The following KLF13 variants were observed in gnomAD, a reference collection of about 807,000 sequenced individuals.
The protein encoded by KLF13 is KLF transcription factor 13.
KLF13 carries 8 observed loss-of-function variants against 16.7 expected under a neutral mutation model. The observed-to-expected ratio is 0.48, with a 90% confidence interval of 0.28 to 0.87. The LOEUF is 0.87. Among genes scored for constraint, KLF13 ranks in the 40% least tolerant of loss-of-function variants. The probability of loss-of-function intolerance (pLI) is 0.10; values close to 1 mark genes in which losing one functional copy is unlikely to be tolerated. For missense variants in KLF13, 447 were observed against 452.2 expected (o/e 0.99, Z 0.10); for synonymous variants, 245 against 208.4 (o/e 1.18, Z -1.51).
At chr15:31,383,349 A>G (rs775436592) in intron 1 of KLF13, among the ~76,000 whole-genome samples, 63 of 152,190 alleles carry the variant, frequency 4.1e-4, no homozygotes, top group Non-Finnish European at 5.9e-4. Context: ...GACTTTGTAC[A>G]TGAACCTTCC....
intron 2 of KLF13, among the ~76,000 whole-genome samples, chr15:31,396,411 C>T (rs1037027510): frequency 1.8e-4 from 28 of 152,166 alleles, no homozygotes; most frequent in African/African-American, 6.0e-4. Context: ...CCTGCCTCGG[C>T]CTCCCAAAGT....
Position 31,327,687 on chromosome 15 carries a change from G to A in KLF13, c.475G>A (p.Asp159Asn), listed in dbSNP as rs770367190. ...QRVRRGRSRADLESPQRKHKC... is the reference protein window; with the variant it reads ...QRVRRGRSRANLESPQRKHKC... ...GGTCCGGCGGGGCCGAAGTCGCGCC[G>A]ACCTCGAGTCCCCGCAGAGGAAGCA... The change falls in exon 1 of 2, where the codon GAC (aspartate) becomes AAC (asparagine). Residue 159 changes from aspartate to asparagine, a missense_variant. Physicochemically the swap from Asp to Asn is conservative, Grantham distance 23 (BLOSUM62 1). This residue lies in a region of KLF13 where 359 missense variants were observed against 282.8 expected (regional missense o/e 1.27). Transcript: ENST00000307145. The A allele has an allele frequency of 6.5e-7, 1 of 1,529,444 alleles. No homozygotes were observed. The highest frequency in any genetic ancestry group is 8.8e-7 in the Non-Finnish European group (1 of 1,135,372). The allele number at this position is 1,529,444 out of a possible 1,614,324, so 94.7% of individuals were successfully genotyped here. A position where few individuals can be genotyped will look rare whatever the true frequency, so the allele number is the denominator to read the frequency against.
chr15:31,435,461 G>A (rs531262210), exon 2 of KLF13: 28 of 152,298 alleles, frequency 1.8e-4, no homozygotes, highest in Non-Finnish European at 1.6e-4. Flanking sequence ...GCCCCCTAGG[G>A]TCCAAGCTCT....
In KLF13 at chr15:31,347,107, A is replaced by T. The variant is rs1410462653; in HGVS notation, c.577+19318A>T. Among the ~76,000 whole-genome samples the T allele has an allele frequency of 2.0e-5, 3 of 152,148 alleles. No individual in the cohort carries two copies. The East Asian group carries it at 5.8e-4, about 29-fold the overall frequency. ...AGGATTTGAGGACCTGTGAAGCTAG[A>T]AGGTCAAGCAGGGAATTCAGGATTT... On this transcript the variant is annotated intron_variant, in intron 1 of 1. Transcript: ENST00000307145.
Position 31,402,975 on chromosome 15 carries a change from C to T in KLF13, n.530-453C>T, listed in dbSNP as rs902421886. On this transcript the variant is annotated intron_variant and non_coding_transcript_variant, in intron 2 of 2. Transcript: ENST00000500533. ...CTATCCCTTGCAGCCACAGAACTGA[C>T]GCACAGGGCCAGGTCCCTTGGGGCC... 3.4e-5 allele frequency among the ~76,000 whole-genome samples: 5 copies of T among 147,098 alleles called. No individual in the cohort carries two copies. The East Asian group carries it at 5.8e-4, about 17-fold the overall frequency.
chr15:31,431,434 C>A (rs2040470133), intron 1 of KLF13, among the ~76,000 whole-genome samples: 1 of 152,066 alleles, frequency 6.6e-6, no homozygotes, highest in Non-Finnish European at 1.5e-5. Context: ...TATGCTGCAG[C>A]AAAAATGAAT....
At chr15:31,357,669 C>A (rs1321373812) in intron 1 of KLF13, among the ~76,000 whole-genome samples, 1 of 152,122 alleles carries the variant, frequency 6.6e-6, no homozygotes, top group Non-Finnish European at 1.5e-5. Flanking sequence ...GTCCAGAGCT[C>A]CCTCCTGTGT....
downstream of KLF13, among the ~76,000 whole-genome samples, chr15:31,379,882 C>G (rs76122154): frequency 6.6e-6 from 1 of 152,022 alleles, no homozygotes; most frequent in East Asian, 1.9e-4. Context: ...GGCAGTTAGG[C>G]GAAGTGCTGT....
intron 1 of KLF13, among the ~76,000 whole-genome samples, chr15:31,433,415 T>G (rs1225140058): frequency 6.6e-6 from 1 of 152,182 alleles, no homozygotes; most frequent in Non-Finnish European, 1.5e-5. Flanking sequence ...GTTTAGGTCC[T>G]CTGTCCTAAA....
At chr15:31,405,690 C>G (rs923465579), downstream of KLF13, among the ~76,000 whole-genome samples, 5 of 152,170 alleles carry the variant, frequency 3.3e-5, no homozygotes, top group African/African-American at 1.2e-4. Context: ...GTGTGACTCA[C>G]CCGACTAAGC....
At chr15:31,397,085 G>A (rs2039961603) in intron 2 of KLF13, among the ~76,000 whole-genome samples, 5 of 151,974 alleles carry the variant, frequency 3.3e-5, no homozygotes, top group Middle Eastern at 3.2e-3. Flanking sequence ...GACACTTTCC[G>A]TCCTCCAGTC....
rs549120132 is a variant in KLF13, at chr15:31,432,379, T to TTCCC, written n.118-2973_118-2970dup. On this transcript the variant is annotated intron_variant and non_coding_transcript_variant, in intron 1 of 1. Coordinates refer to the KLF13 transcript ENST00000558225. ...CTGGTCATTTTCTTTCTCTGTCTCC[T>TTCCC]TCCCTCCCTCCCTCCCTCCCTTTTC... 8.8e-3 allele frequency among the ~76,000 whole-genome samples: 1,326 copies of TTCCC among 151,030 alleles called. 10 individuals are homozygous for TTCCC. Among genetic ancestry groups the TTCCC allele is most frequent in the Middle Eastern group, 0.014 (4 of 292 alleles).
chr15:31,397,283 G>T (rs1043579637), intron 2 of KLF13, among the ~76,000 whole-genome samples: 1 of 152,218 alleles, frequency 6.6e-6, no homozygotes, highest in African/African-American at 2.4e-5. Context: ...CACGTGGCAG[G>T]GTGGGCAGGC....
At position 31,360,790 on chromosome 15, in the gene KLF13, C is replaced by T. The variant is rs373980479; in HGVS notation, c.578-11220C>T. 1.1e-4 allele frequency among the ~76,000 whole-genome samples: 16 copies of T among 152,306 alleles called. 1 individual carries two copies. The highest frequency in any genetic ancestry group is 5.9e-4 in the Admixed American group (9 of 15,310). Reference sequence around the variant, plus strand: ...TCCAAATTACAAGCTCATTTTAATTCGGATGTATTTACTTTGTGAAACCAA... The same window carrying T: ...TCCAAATTACAAGCTCATTTTAATTTGGATGTATTTACTTTGTGAAACCAA... On this transcript the variant is annotated intron_variant, in intron 1 of 1. Transcript: ENST00000307145.
intron 1 of KLF13, among the ~76,000 whole-genome samples, chr15:31,369,932 GT>G (rs2039531359): frequency 2.0e-5 from 3 of 151,462 alleles, no homozygotes; most frequent in Admixed American, 2.0e-4. Context: ...GAGAGCTCCT[GT>G]TTTTACTCAG....
intron 1 of KLF13, among the ~76,000 whole-genome samples, chr15:31,371,503 A>G (rs1402352954): frequency 2.0e-5 from 3 of 152,240 alleles, no homozygotes; most frequent in Non-Finnish European, 4.4e-5. Context: ...TGACCCTCTC[A>G]TGTGACAGAC....
At chr15:31,367,250 T>C (rs2039489184) in intron 1 of KLF13, among the ~76,000 whole-genome samples, 1 of 152,114 alleles carries the variant, frequency 6.6e-6, no homozygotes, top group African/African-American at 2.4e-5. Flanking sequence ...GAGCCATAAC[T>C]CCTGTTGTGG....
chr15:31,423,106 C>CGTATATATGTATAT lies in KLF13; in HGVS notation n.118-12259_118-12258insTATGTATATGTATA, dbSNP rs1566848109. Reference sequence around the variant, plus strand: ...ATATATATACGTATATATACGTATACGTATACGTATATATACGTATATATA... The same window carrying CGTATATATGTATAT: ...ATATATATACGTATATATACGTATACGTATATATGTATATGTATACGTATATATACGTATATATA... On this transcript the variant is annotated intron_variant and non_coding_transcript_variant, in intron 1 of 1. Coordinates refer to the KLF13 transcript ENST00000558225. 1.1e-4 allele frequency among the ~76,000 whole-genome samples: 6 copies of CGTATATATGTATAT among 54,148 alleles called. 1 individual carries two copies. Among genetic ancestry groups the CGTATATATGTATAT allele is most frequent in the African/African-American group, 2.2e-4 (2 of 9,092 alleles). 35.5% of individuals were successfully genotyped at this position (54,148 alleles called of 152,430 possible). A position where few individuals can be genotyped will look rare whatever the true frequency, so the allele number is the denominator to read the frequency against.
chr15:31,340,379 C>G (rs529812899), intron 1 of KLF13, among the ~76,000 whole-genome samples: 13 of 152,354 alleles, frequency 8.5e-5, no homozygotes, highest in African/African-American at 2.9e-4. Flanking sequence ...AGCCTCCTGG[C>G]CTTTCCAGGT....
Sources: gnomAD v4.1 joint callset for allele counts (sites outside exome capture counted in the v4.1 genomes callset) on GRCh38, gnomAD v4.1.1 for gene constraint, gnomAD v4.1.1 regional missense constraint, MANE v1.5 for transcripts, NCBI Gene and HGNC (gene_info 2026-07-23, HGNC 2026-07-21) for gene names.